Variants in CNTNAP2 observed in about 807,000 individuals in gnomAD.
The protein encoded by CNTNAP2 is contactin associated protein 2.
In CNTNAP2, 98 loss-of-function variants were observed where a neutral mutation model predicts 155.2. The observed-to-expected ratio is 0.63, with a 90% CI of 0.54 to 0.75. The LOEUF (loss-of-function observed/expected upper bound fraction) is 0.75. CNTNAP2 is among the 30% of genes least tolerant of loss of function. The pLI is 0.00. For synonymous variants in CNTNAP2, 651 were observed against 631.2 expected (o/e 1.03, Z -0.47); for missense variants, 1,727 against 1,688.1 (o/e 1.02, Z -0.40).
intron 16 of CNTNAP2, among the ~76,000 whole-genome samples, chr7:148,128,460 A>G (rs1179665157): frequency 6.6e-6 from 1 of 152,230 alleles, no homozygotes; most frequent in Non-Finnish European, 1.5e-5. Context: ...CAGACCAAAA[A>G]GAAGTTTGGA....
chr7:147,608,203 C>T, intron 12 of CNTNAP2, among the ~76,000 whole-genome samples: 1 of 99,576 alleles, frequency 1.0e-5, no homozygotes. Context: ...TCTTACTGTT[C>T]ATCTCAGAAA....
intron 1 of CNTNAP2, among the ~76,000 whole-genome samples, chr7:146,575,639 G>A (rs1001246053): frequency 2.6e-5 from 4 of 152,154 alleles, no homozygotes; most frequent in African/African-American, 9.7e-5. Flanking sequence ...TTTTAATACT[G>A]GTGGAAAAGG....
intron 13 of CNTNAP2, among the ~76,000 whole-genome samples, chr7:147,651,041 G>A (rs183333763): frequency 3.3e-5 from 5 of 152,242 alleles, no homozygotes; most frequent in African/African-American, 1.2e-4. Context: ...GGAAGGCTTA[G>A]GAATGGGAGA....
intron 23 of CNTNAP2, among the ~76,000 whole-genome samples, chr7:148,412,707 G>C (rs185666331): frequency 1.8e-4 from 28 of 152,138 alleles, no homozygotes; most frequent in African/African-American, 6.7e-4. Context: ...TCATTGCACC[G>C]GGTAGGATTT....
intron 18 of CNTNAP2, among the ~76,000 whole-genome samples, chr7:148,192,387 T>C (rs560055496): frequency 2.0e-5 from 3 of 152,330 alleles, no homozygotes; most frequent in African/African-American, 7.2e-5. Flanking sequence ...CCTTAGACTA[T>C]GTATGTCACA....
chr7:146,338,005 A>G (rs551476374), intron 1 of CNTNAP2, among the ~76,000 whole-genome samples: 6 of 152,022 alleles, frequency 3.9e-5, no homozygotes, highest in Non-Finnish European at 8.8e-5. Context: ...ATTCTGAAGG[A>G]TTTGCTTTCC....
At chr7:148,206,288 T>G (rs1006385944) in intron 18 of CNTNAP2, among the ~76,000 whole-genome samples, 2 of 147,902 alleles carry the variant, frequency 1.4e-5, no homozygotes, top group Non-Finnish European at 3.0e-5. Flanking sequence ...AATATAAATA[T>G]ATTTAAATTT....
chr7:146,263,923 G>A (rs1563013576), intron 1 of CNTNAP2, among the ~76,000 whole-genome samples: 2 of 152,144 alleles, frequency 1.3e-5, no homozygotes, highest in Admixed American at 6.5e-5. Flanking sequence ...TTTACTTATA[G>A]AGAAAGTGAG....
At chr7:146,558,533 C>A (rs1798231425) in intron 1 of CNTNAP2, among the ~76,000 whole-genome samples, 1 of 151,934 alleles carries the variant, frequency 6.6e-6, no homozygotes, top group Non-Finnish European at 1.5e-5. Flanking sequence ...TCTGTCATAA[C>A]CCTATCCATC....
chr7:146,715,991 A>AGAG (rs140276110), intron 1 of CNTNAP2, among the ~76,000 whole-genome samples: 7,566 of 152,102 alleles, frequency 0.05, 274 homozygotes, highest in African/African-American at 0.1. Flanking sequence ...TCCCAACTTG[A>AGAG]GAGAAGAATG....
chr7:148,368,931 G>C (rs950050379), intron 21 of CNTNAP2, among the ~76,000 whole-genome samples: 1 of 152,210 alleles, frequency 6.6e-6, no homozygotes, highest in East Asian at 1.9e-4. Flanking sequence ...TAGGTCAGGC[G>C]GGCCCAGGCC....
chr7:146,762,516 T>C (rs1051374792), intron 1 of CNTNAP2, among the ~76,000 whole-genome samples: 6 of 152,138 alleles, frequency 3.9e-5, no homozygotes, highest in African/African-American at 1.4e-4. Context: ...GGAGAATTGC[T>C]TGAACCCAGG....
chr7:147,062,407 G>A (rs1050282680), intron 4 of CNTNAP2, among the ~76,000 whole-genome samples: 3 of 151,904 alleles, frequency 2.0e-5, no homozygotes, highest in Non-Finnish European at 1.5e-5. Context: ...CATGCACAGG[G>A]ATTATTTGTG....
intron 2 of CNTNAP2, 67 bp downstream of exon 2, chr7:146,774,448 T>C (rs1190092673): frequency 3.3e-6 from 3 of 911,940 alleles, no homozygotes; most frequent in Non-Finnish European, 5.1e-6. Context: ...TTTATAGCCA[T>C]ATATATATAT....
intron 1 of CNTNAP2, among the ~76,000 whole-genome samples, chr7:146,172,212 CT>C (rs1271068904): frequency 6.6e-6 from 1 of 151,922 alleles, no homozygotes; most frequent in Admixed American, 6.6e-5. Context: ...AACCAAATAG[CT>C]CAAGGCTGGG....
chr7:146,991,673 A>G (rs568123676), intron 3 of CNTNAP2, among the ~76,000 whole-genome samples: 1 of 152,334 alleles, frequency 6.6e-6, no homozygotes, highest in East Asian at 1.9e-4. Context: ...TTTGAAAAGA[A>G]AGTGCAACAT....
intron 2 of CNTNAP2, among the ~76,000 whole-genome samples, chr7:146,829,138 A>T (rs952388086): frequency 1.5e-4 from 23 of 151,978 alleles, no homozygotes; most frequent in Non-Finnish European, 2.7e-4. Context: ...CCCTGAAAAT[A>T]ATTTACATAT....
Position 148,415,525 on chromosome 7 carries a change from A to T in CNTNAP2, c.3905A>T (p.Glu1302Val), listed in dbSNP as rs575397897. 1 of 1,614,236 alleles carries T rather than the reference A, an allele frequency of 6.2e-7. No homozygotes were observed. The highest frequency in any genetic ancestry group is 2.2e-5 in the East Asian group (1 of 44,880). Residue 1302 changes from glutamate (E) to valine (V), a missense_variant, in exon 24 of 24, where the codon GAG (glutamate) becomes GTG (valine). Physicochemically the swap from Glu to Val is moderately radical, Grantham distance 121. Coordinates refer to ENST00000361727, the MANE Select transcript of CNTNAP2 (RefSeq NM_014141.6). ...CATACCAACGAAGCAAAGGGGGCGG[A>T]GTCGGCAGAGAGCGCGGACGCCGCC... ...TYHTNEAKGAESAESADAAIM... is the reference protein window; with the variant it reads ...TYHTNEAKGAVSAESADAAIM...
intron 13 of CNTNAP2, among the ~76,000 whole-genome samples, chr7:147,743,959 G>T (rs926551383): frequency 6.6e-6 from 1 of 152,106 alleles, no homozygotes; most frequent in African/African-American, 2.4e-5. Flanking sequence ...GTGACCTTGG[G>T]CAAGTTATGT....
Sources: gnomAD v4.1 joint callset for allele counts (sites outside exome capture counted in the v4.1 genomes callset) on GRCh38, gnomAD v4.1.1 for gene constraint, MANE v1.5 for transcripts, NCBI Gene and HGNC (gene_info 2026-07-23, HGNC 2026-07-21) for gene names.